The following PPARG variants were observed in gnomAD, a reference collection of about 807,000 sequenced individuals.
PPARG encodes the protein peroxisome proliferator activated receptor gamma.
A neutral mutation model predicts 39.2 loss-of-function variants in PPARG; 17 were observed. That is an observed-to-expected ratio of 0.43 (90% confidence interval 0.30 to 0.65). The LOEUF (loss-of-function observed/expected upper bound fraction) is 0.65. Among genes scored for constraint, PPARG ranks in the 30% least tolerant of loss-of-function variants. The pLI is 0.13. For missense variants in PPARG, 406 were observed against 585.9 expected (o/e 0.69, Z 3.17); for synonymous variants, 223 against 215.7 (o/e 1.03, Z -0.30).
At chr3:12,433,267 G>C (rs1359413765) in intron 7 of PPARG, among the ~76,000 whole-genome samples, 1 of 152,226 alleles carries the variant, frequency 6.6e-6, no homozygotes, top group African/African-American at 2.4e-5. Flanking sequence ...GCTGGGCACA[G>C]TGGCTCATGC....
At chr3:12,351,273 A>G (rs1443007092) in intron 2 of PPARG, among the ~76,000 whole-genome samples, 1 of 152,174 alleles carries the variant, frequency 6.6e-6, no homozygotes, top group African/African-American at 2.4e-5. Flanking sequence ...CCCTCACAAG[A>G]CACTGAACAT....
intron 7 of PPARG, among the ~76,000 whole-genome samples, chr3:12,423,977 T>C (rs1318567440): frequency 2.6e-5 from 4 of 152,238 alleles, no homozygotes; most frequent in African/African-American, 9.6e-5. Context: ...CAGGCACCTA[T>C]GTTGTTTCTG....
chr3:12,369,523 A>G (rs1000205914), intron 2 of PPARG, among the ~76,000 whole-genome samples: 1 of 152,116 alleles, frequency 6.6e-6, no homozygotes, highest in African/African-American at 2.4e-5. Flanking sequence ...AACTTATACT[A>G]TTATTTTTAA....
intron 2 of PPARG, among the ~76,000 whole-genome samples, chr3:12,313,573 G>C (rs1345215054): frequency 6.6e-6 from 1 of 152,100 alleles, no homozygotes; most frequent in Non-Finnish European, 1.5e-5. Flanking sequence ...AGATATTTCT[G>C]GTCCCAAACA....
At chr3:12,388,332 A>T (rs1290830502) in intron 4 of PPARG, among the ~76,000 whole-genome samples, 1 of 152,140 alleles carries the variant, frequency 6.6e-6, no homozygotes, top group East Asian at 1.9e-4. Flanking sequence ...TGAAACAAAC[A>T]TACCCTCAGT....
intron 1 of PPARG, among the ~76,000 whole-genome samples, chr3:12,305,414 A>G (rs1294632189): frequency 1.3e-5 from 2 of 152,190 alleles, no homozygotes; most frequent in East Asian, 3.8e-4. Flanking sequence ...CTAATCTTCA[A>G]ATTGGTAGAA....
intron 2 of PPARG, among the ~76,000 whole-genome samples, chr3:12,323,978 G>C (rs1336973101): frequency 5.3e-5 from 8 of 152,172 alleles, no homozygotes; most frequent in Non-Finnish European, 1.0e-4. Flanking sequence ...CATCAGTGGA[G>C]AAGGTGGGAA....
At chr3:12,309,034 A>G (rs1309745742) in intron 1 of PPARG, among the ~76,000 whole-genome samples, 1 of 152,238 alleles carries the variant, frequency 6.6e-6, no homozygotes, top group African/African-American at 2.4e-5. Flanking sequence ...TTTGCAGAGT[A>G]CATACTATGC....
chr3:12,320,372 T>G (rs56002529), intron 2 of PPARG, among the ~76,000 whole-genome samples: 4,213 of 152,332 alleles, frequency 0.028, 176 homozygotes, highest in African/African-American at 0.092. Flanking sequence ...TTTATTTCCT[T>G]GCTGGTAATA....
At chr3:12,392,180 G>A (rs2050100881) in intron 4 of PPARG, among the ~76,000 whole-genome samples, 1 of 152,154 alleles carries the variant, frequency 6.6e-6, no homozygotes, top group African/African-American at 2.4e-5. Context: ...CCCTGATCAT[G>A]TTTTAGAATG....
At chr3:12,417,229 C>A in intron 7 of PPARG, 75 bp downstream of exon 7, 1 of 1,449,418 alleles carries the variant, frequency 6.9e-7, no homozygotes, top group South Asian at 1.2e-5. Flanking sequence ...TTTGGATTTC[C>A]TTAGTGTTAG....
rs869086237 is a variant in PPARG at position 12,417,902 on chromosome 3, C to CTTTTTTTTTT, written c.1180+762_1180+771dup. ...CTTTTTTTTTTCTTTTTTTTTTTTCCTTTTTTTTTTTTTTTTTTTTTTTGT... is the reference window on the plus strand; with the variant it reads ...CTTTTTTTTTTCTTTTTTTTTTTTCCTTTTTTTTTTTTTTTTTTTTTTTTTTTTTTTTTGT... On this transcript the variant is annotated intron_variant, in intron 7 of 7. Transcript: ENST00000651735. 9.9e-3 allele frequency among the ~76,000 whole-genome samples: 652 copies of CTTTTTTTTTT among 65,548 alleles called. 4 individuals carry two copies. The highest frequency in any genetic ancestry group is 0.011 in the Non-Finnish European group (389 of 36,408). The allele number at this position is 65,548 out of a possible 152,430, so 43.0% of individuals were successfully genotyped here.
intron 2 of PPARG, among the ~76,000 whole-genome samples, chr3:12,335,562 TA>T (rs1421490402): frequency 6.6e-6 from 1 of 152,230 alleles, no homozygotes; most frequent in African/African-American, 2.4e-5. Context: ...ATGAGATTTG[TA>T]ATTGAAACGG....
intron 2 of PPARG, among the ~76,000 whole-genome samples, chr3:12,331,009 T>C (rs2047843602): frequency 6.6e-6 from 1 of 152,200 alleles, no homozygotes; most frequent in South Asian, 2.1e-4. Context: ...GGAATGAGAC[T>C]GTTTTCTTAC....
intron 5 of PPARG, among the ~76,000 whole-genome samples, chr3:12,394,958 A>C (rs1016077729): frequency 1.3e-5 from 2 of 152,128 alleles, no homozygotes; most frequent in African/African-American, 4.8e-5. Context: ...ACGTCCCCCA[A>C]AGCAAATGTA....
At chr3:12,353,786 T>C (rs1441775739) in intron 2 of PPARG, among the ~76,000 whole-genome samples, 1 of 152,186 alleles carries the variant, frequency 6.6e-6, no homozygotes, top group East Asian at 1.9e-4. Context: ...TATCAAGAGC[T>C]CCTCAAGCAA....
chr3:12,325,058 G>T (rs1214163470), intron 2 of PPARG, among the ~76,000 whole-genome samples: 2 of 151,906 alleles, frequency 1.3e-5, no homozygotes, highest in Admixed American at 6.6e-5. Flanking sequence ...AGGCTGAGGC[G>T]GGCGGATCAC....
intron 4 of PPARG, 85 bp from the exon 5 acceptor site, chr3:12,392,529 C>T: frequency 6.6e-7 from 1 of 1,507,656 alleles, no homozygotes; most frequent in Non-Finnish European, 9.2e-7. Flanking sequence ...TTTCTGATTC[C>T]CAGGCCAGTA....
chr3:12,287,841 C>G (rs1272976323), upstream of PPARG: 4 of 121,634 alleles, frequency 3.3e-5, no homozygotes, highest in South Asian at 7.4e-4. Flanking sequence ...CCCACCCCCA[C>G]CCCCAGCCGG....
Sources: gnomAD v4.1 joint callset for allele counts (sites outside exome capture counted in the v4.1 genomes callset) on GRCh38, gnomAD v4.1.1 for gene constraint, MANE v1.5 for transcripts, NCBI Gene and HGNC (gene_info 2026-07-23, HGNC 2026-07-21) for gene names.